Variants in CSN3 observed in about 807,000 individuals in gnomAD.
CSN3 encodes the protein kappa-casein.
A neutral mutation model predicts 9.9 loss-of-function variants in CSN3; 7 were observed. The ratio of observed to expected loss-of-function variants is 0.71; its 90% CI spans 0.40 to 1.33. The LOEUF (loss-of-function observed/expected upper bound fraction) is 1.33, where lower values mean the gene tolerates loss of function less well. Among genes scored for constraint, CSN3 ranks in the 40% most tolerant of loss-of-function variants. The pLI, the probability that CSN3 is intolerant of heterozygous loss-of-function variation, is 0.01. For missense variants in CSN3, 253 were observed against 227.9 expected, an observed-to-expected ratio of 1.11 and a Z score of -0.71; for synonymous variants, 88 against 82.3, an observed-to-expected ratio of 1.07 and a Z score of -0.37.
At chr4:70,245,393 A>G (rs1176569295) in intron 2 of CSN3, among the ~76,000 whole-genome samples, 2 of 152,108 alleles carry the variant, frequency 1.3e-5, no homozygotes, top group Non-Finnish European at 2.9e-5. Context: ...AACTTTTGTT[A>G]TATTCTTCCC....
At chr4:70,250,062 T>G (rs193148581) in intron 4 of CSN3, among the ~76,000 whole-genome samples, 1 of 152,194 alleles carries the variant, frequency 6.6e-6, no homozygotes, top group Non-Finnish European at 1.5e-5. Flanking sequence ...ATGGAAGAAT[T>G]ATAATGCTTA....
intron 1 of CSN3, among the ~76,000 whole-genome samples, chr4:70,243,654 A>G (rs1730315017): frequency 6.6e-6 from 1 of 152,114 alleles, no homozygotes; most frequent in Non-Finnish European, 1.5e-5. Flanking sequence ...CAATAGCTGC[A>G]ACAAGATGAA....
At chr4:70,244,186 A>C (rs1366044034) in intron 1 of CSN3, among the ~76,000 whole-genome samples, 2 of 152,042 alleles carry the variant, frequency 1.3e-5, no homozygotes, top group African/African-American at 4.8e-5. Context: ...GTTGTTTATA[A>C]AGCCATGCCT....
chr4:70,248,896 C>T (rs1730428266), intron 3 of CSN3, 102 bp from the exon 4 acceptor site: 10 of 766,926 alleles, frequency 1.3e-5, no homozygotes, highest in Non-Finnish European at 2.0e-5. Flanking sequence ...TAATATCTTA[C>T]TCAATGGTAA....
At chr4:70,243,248 T>C (rs1282561398) in intron 1 of CSN3, 1 of 654,050 alleles carries the variant, frequency 1.5e-6, no homozygotes, top group Non-Finnish European at 1.9e-6. Flanking sequence ...ACTATCATTT[T>C]ATAGAATATT....
chr4:70,247,981 T>C, intron 3 of CSN3, 131 bp downstream of exon 3: 1 of 583,882 alleles, frequency 1.7e-6, no homozygotes, highest in East Asian at 3.4e-5. Context: ...CTAATAATAT[T>C]TGCAAGAAAA....
upstream of CSN3, among the ~76,000 whole-genome samples, chr4:70,239,771 A>G (rs1263745390): frequency 2.0e-5 from 3 of 151,992 alleles, no homozygotes; most frequent in East Asian, 5.8e-4. Context: ...TGTTTGTTTA[A>G]CAGAAGTGGC....
chr4:70,248,746 T>G (rs528308294), intron 3 of CSN3, among the ~76,000 whole-genome samples: 17 of 152,060 alleles, frequency 1.1e-4, no homozygotes, highest in Admixed American at 2.0e-4. Flanking sequence ...ACATTATGAA[T>G]AAACTCATCT....
chr4:70,249,394 T>C (rs1369127939), exon 4 of CSN3: 1 of 1,614,076 alleles, frequency 6.2e-7, no homozygotes, highest in Non-Finnish European at 8.5e-7. Context: ...AGAAGCTTTT[T>C]CAGAGTCCAT....
In CSN3 at chr4:70,248,996, A is replaced by C. The variant is rs1730430413; in HGVS notation, c.88-2A>C. 6.4e-7 allele frequency: 1 copy of C among 1,550,758 alleles called. No homozygotes were observed. Among genetic ancestry groups the C allele is most frequent in the East Asian group, 2.3e-5 (1 of 44,322 alleles). ...ATTCTGTATAATTTATTTTTTTTGCAGTGCCATGAGAATGATGAAAGACCA... is the reference window on the plus strand; with the variant it reads ...ATTCTGTATAATTTATTTTTTTTGCCGTGCCATGAGAATGATGAAAGACCA... On this transcript the variant is annotated splice_acceptor_variant, in intron 3 of 4. Coordinates refer to ENST00000304954, the Ensembl canonical transcript of CSN3. LOFTEE classifies it high-confidence loss of function.
intron 4 of CSN3, 114 bp from the exon 5 acceptor site, chr4:70,251,144 CTGAT>C (rs1220076425): frequency 1.4e-4 from 21 of 152,112 alleles, no homozygotes; most frequent in African/African-American, 4.8e-4. Flanking sequence ...AATATGTAAT[CTGAT>C]TGACTTATTG....
intron 2 of CSN3, among the ~76,000 whole-genome samples, chr4:70,245,289 T>C (rs1322276732): frequency 6.6e-6 from 1 of 152,158 alleles, no homozygotes; most frequent in Non-Finnish European, 1.5e-5. Flanking sequence ...CCAATCTCTT[T>C]ATGGAAACAA....
chr4:70,241,707 C>A (rs1730273225), upstream of CSN3, among the ~76,000 whole-genome samples: 1 of 146,842 alleles, frequency 6.8e-6, no homozygotes, highest in Admixed American at 7.0e-5. Flanking sequence ...TAAAACAGAA[C>A]AATTATCTCC....
chr4:70,238,681 A>G (rs545639353), upstream of CSN3, among the ~76,000 whole-genome samples: 1 of 152,006 alleles, frequency 6.6e-6, no homozygotes, highest in South Asian at 2.1e-4. Context: ...TTCAAGTGTA[A>G]CATGCCAGTG....
At chr4:70,240,669 C>T (rs1204321887), upstream of CSN3, among the ~76,000 whole-genome samples, 1 of 151,898 alleles carries the variant, frequency 6.6e-6, no homozygotes, top group Non-Finnish European at 1.5e-5. Flanking sequence ...CTAAGGTTGC[C>T]TTAGATCAGT....
At chr4:70,244,915 A>G (rs1359260716) in intron 2 of CSN3, 42 bp downstream of exon 2, 3 of 1,322,978 alleles carry the variant, frequency 2.3e-6, no homozygotes, top group Non-Finnish European at 3.1e-6. Flanking sequence ...GACTTTAAGA[A>G]AATTTTGTTT....
chr4:70,239,636 G>T (rs1334298121), upstream of CSN3, among the ~76,000 whole-genome samples: 3 of 151,860 alleles, frequency 2.0e-5, no homozygotes, highest in African/African-American at 7.3e-5. Context: ...TCTGAAAATA[G>T]TCTTTCTGTA....
rs115386969 is a variant in CSN3 at position 70,249,328 on chromosome 4, G to T, written c.418G>T (p.Val140Phe). 7 of 1,613,824 alleles carry T rather than the reference G, an allele frequency of 4.3e-6. No homozygotes were observed. In the African/African-American group the frequency reaches 9.4e-5, roughly 22 times the overall value. The change falls in exon 4 of 5, where the codon GTT (valine) becomes TTT (phenylalanine). Residue 140 changes from valine (V) to phenylalanine (F), a missense_variant. Transcript: ENST00000304954. Reference sequence around the variant, plus strand: ...CCCTACCATCAATACCATTGCTACTGTTGAACCTACACCAGCTCCTGCCAC... The same window carrying T: ...CCCTACCATCAATACCATTGCTACTTTTGAACCTACACCAGCTCCTGCCAC...
At chr4:70,250,306 G>T (rs181384616) in intron 4 of CSN3, among the ~76,000 whole-genome samples, 26 of 152,222 alleles carry the variant, frequency 1.7e-4, no homozygotes, top group African/African-American at 6.0e-4. Flanking sequence ...AATATTTTCA[G>T]TCCATCAGAT....
Sources: gnomAD v4.1 joint callset for allele counts (sites outside exome capture counted in the v4.1 genomes callset) on GRCh38, gnomAD v4.1.1 for gene constraint, MANE v1.5 for transcripts, NCBI Gene and HGNC (gene_info 2026-07-23, HGNC 2026-07-21) for gene names.